Variants in TRAPPC10 observed in about 807,000 individuals in gnomAD.
The protein encoded by TRAPPC10 is trafficking protein particle complex subunit 10.
Under a neutral mutation model 125.5 loss-of-function variants are expected in TRAPPC10, and 23 were observed. That is an observed-to-expected ratio of 0.18 (90% CI 0.13 to 0.26). The LOEUF is 0.26. Ranked by LOEUF, TRAPPC10 falls within the 10% of genes least tolerant of loss-of-function variation. TRAPPC10 has a pLI of 1.00. For missense variants in TRAPPC10, 1,123 were observed against 1,308.4 expected (o/e 0.86, Z 2.19); for synonymous variants, 509 against 518.0 (o/e 0.98, Z 0.24).
In TRAPPC10 at chr21:44,083,190, G is replaced by C. The variant is rs1340930349; in HGVS notation, c.2126G>C (p.Ser709Thr). The C allele has an allele frequency of 6.2e-7, 1 of 1,614,234 alleles. No individual in the cohort carries two copies. The highest frequency in any genetic ancestry group is 8.5e-7 in the Non-Finnish European group (1 of 1,180,040). Residue 709 changes from serine (S) to threonine (T), a missense_variant, in exon 14 of 23, where the codon AGC (serine) becomes ACC (threonine). Coordinates refer to ENST00000291574, the MANE Select transcript of TRAPPC10 (RefSeq NM_003274.5). ...ATGCTCCTGAGAAGGCAGGAGAGCA[G>C]CTCCTCTCTAGAGATGCCCTCAGGG... ...VHMLLRRQES[S>T]SSLEMPSGVA...
intron 3 of TRAPPC10, among the ~76,000 whole-genome samples, chr21:44,038,649 C>A (rs915661823): frequency 6.6e-6 from 1 of 152,028 alleles, no homozygotes; most frequent in East Asian, 1.9e-4. Context: ...AAATTCTGTG[C>A]GGCACTTCTT....
chr21:44,067,142 C>T (rs146568071), intron 7 of TRAPPC10, among the ~76,000 whole-genome samples: 26 of 152,310 alleles, frequency 1.7e-4, no homozygotes, highest in African/African-American at 5.1e-4. Context: ...CCAGGGGAGT[C>T]ACCAGCCTAG....
intron 15 of TRAPPC10, among the ~76,000 whole-genome samples, chr21:44,085,685 T>C (rs2038078412): frequency 6.7e-6 from 1 of 150,274 alleles, no homozygotes; most frequent in South Asian, 2.1e-4. Context: ...CCAGCGTGGG[T>C]GACAGAACAA....
intron 1 of TRAPPC10, among the ~76,000 whole-genome samples, chr21:44,013,011 T>TTGTTCC (rs1752099255): frequency 6.6e-6 from 1 of 152,156 alleles, no homozygotes; most frequent in East Asian, 1.9e-4. Flanking sequence ...TTGCAGGCGT[T>TTGTTCC]GGCGAAGTAG....
chr21:44,055,657 A>G (rs762649574), intron 4 of TRAPPC10, 41 bp from the exon 5 acceptor site: 2 of 1,520,796 alleles, frequency 1.3e-6, no homozygotes, highest in African/African-American at 2.7e-5. Flanking sequence ...GGTGCTGTGC[A>G]TGGAGGGTCT....
chr21:44,019,293 G>T (rs550699689), intron 1 of TRAPPC10, among the ~76,000 whole-genome samples: 2 of 152,228 alleles, frequency 1.3e-5, no homozygotes, highest in African/African-American at 4.8e-5. Context: ...CAAGCAATCC[G>T]CCCTCTTTGG....
chr21:44,040,003 A>G (rs2034298406), intron 3 of TRAPPC10, among the ~76,000 whole-genome samples: 1 of 152,220 alleles, frequency 6.6e-6, no homozygotes, highest in Admixed American at 6.5e-5. Context: ...CAACGTGCAT[A>G]AGATAGTTTC....
At chr21:44,061,859 TAGG>T (rs1427582577) in intron 6 of TRAPPC10, among the ~76,000 whole-genome samples, 2 of 152,356 alleles carry the variant, frequency 1.3e-5, no homozygotes, top group Non-Finnish European at 2.9e-5. Context: ...GGTCATATCA[TAGG>T]AGCTTTAAAA....
chr21:44,032,373 G>A (rs2033645291), intron 2 of TRAPPC10, among the ~76,000 whole-genome samples: 1 of 144,446 alleles, frequency 6.9e-6, no homozygotes, highest in Non-Finnish European at 1.5e-5. Flanking sequence ...GGAATGCCAT[G>A]GTTTTCTTTT....
intron 1 of TRAPPC10, among the ~76,000 whole-genome samples, chr21:44,018,491 G>A (rs1037152794): frequency 1.3e-5 from 2 of 152,120 alleles, no homozygotes; most frequent in Non-Finnish European, 2.9e-5. Context: ...ATGAGGTCAA[G>A]AGATTGAGAC....
At chr21:44,077,564 G>A (rs2037376270) in intron 10 of TRAPPC10, 129 bp from the exon 11 acceptor site, 1 of 598,448 alleles carries the variant, frequency 1.7e-6, no homozygotes, top group African/African-American at 1.9e-5. Context: ...CAGCCTGGGC[G>A]ATGGAGCAAG....
chr21:44,034,508 G>A (rs2033842554), intron 2 of TRAPPC10, among the ~76,000 whole-genome samples: 1 of 152,206 alleles, frequency 6.6e-6, no homozygotes, highest in Non-Finnish European at 1.5e-5. Context: ...TCTGTAGCCA[G>A]ATCCATGCTT....
intron 8 of TRAPPC10, 79 bp from the exon 9 acceptor site, chr21:44,074,960 G>C (rs974481039): frequency 1.2e-5 from 13 of 1,096,268 alleles, no homozygotes; most frequent in Non-Finnish European, 1.7e-5. Context: ...AGCTGGATTT[G>C]AATTTTTATA....
At chr21:44,065,310 C>G (rs1400174808) in intron 7 of TRAPPC10, among the ~76,000 whole-genome samples, 2 of 152,150 alleles carry the variant, frequency 1.3e-5, no homozygotes, top group Non-Finnish European at 2.9e-5. Flanking sequence ...GTTGGCTCCT[C>G]TAGGTGCTCG....
At position 44,087,961 on chromosome 21, in the gene TRAPPC10, G is replaced by GGGGCGTC. The variant is rs770203113; in HGVS notation, c.2769+34_2769+40dup. On this transcript the variant is annotated intron_variant, in intron 17 of 22. Transcript: ENST00000291574. This position sits in a 1 kb window ranked among gnomAD's most constrained non-coding sequence, Gnocchi z 4.6. ...GGGACAGTGGAGGAGCTTAGCTTGTGGGGCGTCCGCCGCCCGCCTGCCTGC... is the reference window on the plus strand; with the variant it reads ...GGGACAGTGGAGGAGCTTAGCTTGTGGGGCGTCGGGCGTCCGCCGCCCGCCTGCCTGC... 3.8e-6 allele frequency: 6 copies of GGGGCGTC among 1,563,540 alleles called. No homozygotes were observed. The Middle Eastern group carries it at 8.5e-4, about 221-fold the overall frequency.
At chr21:44,070,079 G>A (rs146913806) in intron 7 of TRAPPC10, among the ~76,000 whole-genome samples, 263 of 152,260 alleles carry the variant, frequency 1.7e-3, no homozygotes, top group African/African-American at 6.1e-3. Flanking sequence ...CTCTCTGGCA[G>A]GTGGAGGGGC....
At chr21:44,053,193 G>A (rs1569171059) in intron 4 of TRAPPC10, among the ~76,000 whole-genome samples, 4 of 152,086 alleles carry the variant, frequency 2.6e-5, no homozygotes, top group African/African-American at 7.2e-5. Context: ...TTCAGATGGA[G>A]GTACATGCTC....
chr21:44,047,529 A>AGAGT (rs1555936064), intron 3 of TRAPPC10, among the ~76,000 whole-genome samples: 3 of 104,450 alleles, frequency 2.9e-5, no homozygotes, highest in Non-Finnish European at 5.2e-5. Flanking sequence ...TCTCTGGGGG[A>AGAGT]GTATGTGTGT....
At chr21:44,080,210 T>TA in intron 13 of TRAPPC10, 83 bp downstream of exon 13, 2 of 1,174,994 alleles carry the variant, frequency 1.7e-6, no homozygotes, top group Non-Finnish European at 2.5e-6. Context: ...ACCAACCACT[T>TA]ACAGTAAACA....
Sources: allele counts gnomAD v4.1 joint callset (sites outside exome capture counted in the v4.1 genomes callset), GRCh38; gene constraint gnomAD v4.1.1; non-coding constraint Gnocchi (gnomAD v3.1); transcripts MANE v1.5; gene names NCBI Gene and HGNC (gene_info 2026-07-23, HGNC 2026-07-21).